STAB2: variants seen among roughly 807,000 people sequenced by gnomAD.
STAB2 encodes stabilin-2.
Under a neutral mutation model 338.1 loss-of-function variants are expected in STAB2, and 288 were observed. The observed-to-expected ratio is 0.85, with a 90% CI of 0.77 to 0.94. The LOEUF (loss-of-function observed/expected upper bound fraction) is 0.94. Among genes scored for constraint, STAB2 ranks in the 40% least tolerant of loss-of-function variants. The pLI is 0.00. For synonymous variants in STAB2, 1,202 were observed against 1,193.3 expected (o/e 1.01, Z -0.15); for missense variants, 3,141 against 3,210.1 (o/e 0.98, Z 0.52).
At chr12:103,674,670 G>A (rs1876163530) in intron 23 of STAB2, among the ~76,000 whole-genome samples, 1 of 152,162 alleles carries the variant, frequency 6.6e-6, no homozygotes, top group South Asian at 2.1e-4. Flanking sequence ...GTTTGAGGGG[G>A]AAAATGCCAG....
intron 5 of STAB2, among the ~76,000 whole-genome samples, chr12:103,631,112 A>G (rs528013574): frequency 6.6e-6 from 1 of 152,354 alleles, no homozygotes; most frequent in Admixed American, 6.5e-5. Flanking sequence ...ATCAAGCTAG[A>G]AAATATGGCA....
chr12:103,673,957 G>A lies in STAB2; in HGVS notation c.2422G>A (p.Ala808Thr), dbSNP rs1464358810. ...CAATAACAGGATAGACAGCGATGGG[G>A]CCTGCCTCACTGGCACATGCAGAGA... ...TCNNRIDSDG[A>T]CLTGTCRDGS... Residue 808 changes from alanine (A) to threonine (T), a missense_variant, in exon 23 of 69, where the codon GCC becomes ACC. Coordinates refer to ENST00000388887, the MANE Select transcript of STAB2 (RefSeq NM_017564.10). 4 of 1,613,950 alleles carry A rather than the reference G, an allele frequency of 2.5e-6. No individual in the cohort carries two copies. Among genetic ancestry groups the A allele is most frequent in the Non-Finnish European group, 3.4e-6 (4 of 1,180,026 alleles).
At chr12:103,673,141 G>A (rs976705063) in intron 22 of STAB2, among the ~76,000 whole-genome samples, 1 of 152,074 alleles carries the variant, frequency 6.6e-6, no homozygotes, top group Non-Finnish European at 1.5e-5. Context: ...AAACATATTA[G>A]CTACTTATCA....
At chr12:103,630,145 G>A (rs1052482060) in intron 5 of STAB2, among the ~76,000 whole-genome samples, 2 of 152,164 alleles carry the variant, frequency 1.3e-5, no homozygotes, top group African/African-American at 4.8e-5. Flanking sequence ...ATGAAATGGA[G>A]AGGCAAGAAA....
intron 63 of STAB2, among the ~76,000 whole-genome samples, chr12:103,757,033 A>AGT (rs1323256260): frequency 7.0e-6 from 1 of 143,156 alleles, no homozygotes; most frequent in Non-Finnish European, 1.5e-5. Context: ...ATATATATAA[A>AGT]ATATATATAT....
intron 2 of STAB2, among the ~76,000 whole-genome samples, chr12:103,591,885 G>A (rs775006476): frequency 3.9e-5 from 6 of 152,158 alleles, no homozygotes; most frequent in Non-Finnish European, 5.9e-5. Context: ...TATTTGCGCA[G>A]CCTGTTTCTT....
chr12:103,663,407 G>A (rs1323491986), intron 18 of STAB2, among the ~76,000 whole-genome samples: 1 of 72,136 alleles, frequency 1.4e-5, no homozygotes, highest in Non-Finnish European at 3.3e-5. Flanking sequence ...GGATTCTGGG[G>A]GCTCCAACAA....
At chr12:103,728,309 C>T (rs992934217) in intron 47 of STAB2, among the ~76,000 whole-genome samples, 3 of 151,978 alleles carry the variant, frequency 2.0e-5, no homozygotes, top group African/African-American at 7.3e-5. Flanking sequence ...GGTGTTTTAC[C>T]ATGTGGGCCA....
At chr12:103,733,623 A>G (rs1431726748) in intron 51 of STAB2, among the ~76,000 whole-genome samples, 2 of 152,224 alleles carry the variant, frequency 1.3e-5, no homozygotes, top group Admixed American at 1.3e-4. Context: ...ACTGTATCAG[A>G]GAAGCACGAT....
rs1565955700 is a variant in STAB2, at chr12:103,605,777, G to C, written c.331+11267G>C. ...AATCTACTTCATCTAATATTAATAT[G>C]AGCTACTTCAGCTTTCTTTTGACTA... is the stretch of plus-strand genomic sequence containing the variant. On this transcript the variant is annotated intron_variant, in intron 3 of 68. Transcript: ENST00000388887. Among the ~76,000 whole-genome samples the C allele has an allele frequency of 2.0e-5, 3 of 152,006 alleles. No individual in the cohort carries two copies. The South Asian group carries it at 6.2e-4, about 32-fold the overall frequency.
intron 51 of STAB2, among the ~76,000 whole-genome samples, chr12:103,733,704 G>A (rs1469519323): frequency 6.6e-6 from 1 of 152,054 alleles, no homozygotes; most frequent in African/African-American, 2.4e-5. Context: ...ATAGGAATAA[G>A]CATGATATAG....
At position 103,755,549 on chromosome 12, in the gene STAB2, G is replaced by T; in HGVS notation, c.6881-63G>T. On this transcript the variant is annotated intron_variant, in intron 62 of 68. Transcript: ENST00000388887. ...AGCCTGGCCAGTCACTCCCCAAGCA[G>T]AAGCAGTGCAGCCCTGGCCCCTGCC... The T allele has an allele frequency of 1.4e-5, 23 of 1,610,196 alleles. 1 individual carries two copies. The South Asian group carries it at 2.5e-4, about 18-fold the overall frequency.
At chr12:103,618,292 C>G (rs907773711) in intron 3 of STAB2, among the ~76,000 whole-genome samples, 1 of 152,152 alleles carries the variant, frequency 6.6e-6, no homozygotes, top group African/African-American at 2.4e-5. Flanking sequence ...GCTCCCTCAC[C>G]CCTTCCACCA....
Position 103,703,239 on chromosome 12 carries a change from A to C in STAB2, c.3806A>C (p.Lys1269Thr). 1 of 1,613,958 alleles carries C rather than the reference A, an allele frequency of 6.2e-7. No individual in the cohort carries two copies. Among genetic ancestry groups the C allele is most frequent in the East Asian group, 2.2e-5 (1 of 44,878 alleles). Reference protein sequence around the residue: ...HGLGKVLEIQKNRCDNNDTTI... With the variant: ...HGLGKVLEIQTNRCDNNDTTI... ...TTGGGAAAAGTTCTGGAAATTCAGA[A>C]GAACAGATGTGATAATAATGACACT... The change falls in exon 35 of 69, where the codon AAG becomes ACG. Residue 1269 changes from lysine (K) to threonine (T), a missense_variant. By Grantham distance (78) the Lys-to-Thr change is moderately conservative (BLOSUM62 -1). Transcript: ENST00000388887.
Position 103,705,695 on chromosome 12 carries a change from G to T in STAB2, c.3964G>T (p.Gly1322Trp). Residue 1322 changes from glycine to tryptophan, a missense_variant, in exon 37 of 69, where the codon GGG (glycine) becomes TGG (tryptophan). Coordinates refer to ENST00000388887, the MANE Select transcript of STAB2 (RefSeq NM_017564.10). ...YFMGRRTLFI[G>W]CQPKCVRTVI... ...CATGGGAAGACGAACCCTGTTTATT[G>T]GGTGCCAGCCAAAATGTGTGAGAAC... 6.2e-7 allele frequency: 1 copy of T among 1,614,132 alleles called. No individual in the cohort carries two copies. The highest frequency in any genetic ancestry group is 1.1e-5 in the South Asian group (1 of 91,068).
intron 41 of STAB2, 23 bp downstream of exon 41, chr12:103,712,466 T>TG (rs753719164): frequency 7.1e-5 from 113 of 1,589,582 alleles, no homozygotes; most frequent in Middle Eastern, 3.7e-4. Flanking sequence ...AGGAATTTGC[T>TG]GGGGGGGCTG....
intron 45 of STAB2, 77 bp downstream of exon 45, chr12:103,725,171 T>G: frequency 6.4e-7 from 1 of 1,558,262 alleles, no homozygotes; most frequent in Non-Finnish European, 8.7e-7. Context: ...TAAGGAGTAT[T>G]TAAGAGCTTG....
In STAB2 at chr12:103,695,540, C is replaced by A. The variant is rs747734475; in HGVS notation, c.3376-10C>A. ...ACATGCTAACAGGATTCTGGGGTTT[C>A]TTTTTTCAGGTGCTGGTCCCACAAA... On this transcript the variant is annotated splice_polypyrimidine_tract_variant and intron_variant, in intron 31 of 68. Transcript: ENST00000388887. 6.2e-7 allele frequency: 1 copy of A among 1,614,012 alleles called. No individual in the cohort carries two copies. The highest frequency in any genetic ancestry group is 1.7e-5 in the Admixed American group (1 of 59,990).
chr12:103,631,262 G>T (rs1457262936), intron 5 of STAB2, among the ~76,000 whole-genome samples: 1 of 152,048 alleles, frequency 6.6e-6, no homozygotes, highest in Non-Finnish European at 1.5e-5. Context: ...AACGTAACAG[G>T]TGTATATAAG....
Sources: allele counts gnomAD v4.1 joint callset (sites outside exome capture counted in the v4.1 genomes callset), GRCh38; gene constraint gnomAD v4.1.1; transcripts MANE v1.5; gene names NCBI Gene and HGNC (gene_info 2026-07-23, HGNC 2026-07-21).